The following FOXJ3 variants were observed in gnomAD, a reference collection of about 807,000 sequenced individuals.
FOXJ3 encodes forkhead box protein J3.
In FOXJ3, 22 loss-of-function variants were observed where a neutral mutation model predicts 76.1. The observed-to-expected ratio is 0.29, with a 90% CI of 0.21 to 0.41. The LOEUF (loss-of-function observed/expected upper bound fraction) is 0.41. Ranked by LOEUF, FOXJ3 falls within the 10% of genes least tolerant of loss-of-function variation. The pLI, the probability that FOXJ3 is intolerant of heterozygous loss-of-function variation, is 1.00. For synonymous variants in FOXJ3, 269 were observed against 261.2 expected, an observed-to-expected ratio of 1.03 and a Z score of -0.29; for missense variants, 613 against 762.1, an observed-to-expected ratio of 0.80 and a Z score of 2.30.
intron 5 of FOXJ3, among the ~76,000 whole-genome samples, chr1:42,210,069 T>C (rs1646936157): frequency 6.6e-6 from 1 of 152,204 alleles, no homozygotes; most frequent in African/African-American, 2.4e-5. Flanking sequence ...AGCAAAACAC[T>C]GGGTGTGAGA....
At chr1:42,182,684 G>T (rs1359820373) in intron 11 of FOXJ3, among the ~76,000 whole-genome samples, 3 of 152,126 alleles carry the variant, frequency 2.0e-5, no homozygotes, top group Non-Finnish European at 4.4e-5. Context: ...TTTTAGTAGA[G>T]ATGGGGTTTT....
chr1:42,236,774 C>T (rs1175040157), intron 4 of FOXJ3, among the ~76,000 whole-genome samples: 2 of 152,222 alleles, frequency 1.3e-5, no homozygotes, highest in African/African-American at 2.4e-5. Flanking sequence ...CCACTCTCGA[C>T]AGCAGTGTAT....
At chr1:42,283,630 T>C (rs765784595) in intron 2 of FOXJ3, among the ~76,000 whole-genome samples, 5 of 152,198 alleles carry the variant, frequency 3.3e-5, no homozygotes, top group Non-Finnish European at 5.9e-5. Flanking sequence ...TCCCGGCACA[T>C]GGCATTTCAT....
intron 1 of FOXJ3, chr1:42,315,533 C>A: frequency 3.2e-6 from 1 of 311,350 alleles, no homozygotes; most frequent in Non-Finnish European, 4.7e-6. Context: ...GTTATCTTTC[C>A]AATCTGCTCT....
intron 3 of FOXJ3, among the ~76,000 whole-genome samples, chr1:42,266,530 G>A (rs571228139): frequency 6.6e-6 from 1 of 152,252 alleles, no homozygotes; most frequent in South Asian, 2.1e-4. Context: ...CATCCAAGCA[G>A]TTAAAAAGAA....
At chr1:42,288,494 T>C (rs1357265000) in intron 2 of FOXJ3, among the ~76,000 whole-genome samples, 2 of 152,214 alleles carry the variant, frequency 1.3e-5, no homozygotes, top group African/African-American at 4.8e-5. Flanking sequence ...AAGTATGGCA[T>C]CAATGCTGGC....
chr1:42,221,969 AGAAGGG>A (rs1647196975), intron 5 of FOXJ3, among the ~76,000 whole-genome samples: 1 of 37,268 alleles, frequency 2.7e-5, no homozygotes. Flanking sequence ...AAAAAAAAGA[AGAAGGG>A]GGAGGGGGAG....
At chr1:42,243,436 C>T (rs2124532628) in intron 4 of FOXJ3, among the ~76,000 whole-genome samples, 1 of 152,214 alleles carries the variant, frequency 6.6e-6, no homozygotes, top group Non-Finnish European at 1.5e-5. Context: ...TGAATGTAAA[C>T]AGATTAAATT....
intron 1 of FOXJ3, among the ~76,000 whole-genome samples, chr1:42,327,161 C>T (rs189115397): frequency 2.0e-5 from 3 of 152,294 alleles, no homozygotes; most frequent in African/African-American, 7.2e-5. Context: ...ATATAAAACA[C>T]GACTTCCTCT....
intron 3 of FOXJ3, among the ~76,000 whole-genome samples, chr1:42,266,529 A>G (rs1325430640): frequency 6.6e-6 from 1 of 152,198 alleles, no homozygotes; most frequent in Admixed American, 6.5e-5. Context: ...CCATCCAAGC[A>G]GTTAAAAAGA....
intron 1 of FOXJ3, among the ~76,000 whole-genome samples, chr1:42,322,868 G>A (rs528563171): frequency 6.6e-6 from 1 of 152,262 alleles, no homozygotes; most frequent in East Asian, 1.9e-4. Flanking sequence ...TCCAGAAAAG[G>A]AGGGTAACAG....
chr1:42,318,081 C>G (rs1194923024), intron 1 of FOXJ3, among the ~76,000 whole-genome samples: 2 of 152,162 alleles, frequency 1.3e-5, no homozygotes, highest in Non-Finnish European at 2.9e-5. Context: ...AAAATGAGAT[C>G]TGACAACTCA....
intron 2 of FOXJ3, among the ~76,000 whole-genome samples, chr1:42,308,968 G>C (rs1011726182): frequency 1.4e-5 from 1 of 70,758 alleles, no homozygotes; most frequent in African/African-American, 4.8e-5. Flanking sequence ...TCGGTAGAAA[G>C]TGGACACTAA....
At chr1:42,242,961 T>TTAG (rs397732534) in intron 4 of FOXJ3, among the ~76,000 whole-genome samples, 1 of 151,916 alleles carries the variant, frequency 6.6e-6, no homozygotes, top group Non-Finnish European at 1.5e-5. Flanking sequence ...TAGTCTATTA[T>TTAG]AAGACAACCT....
At chr1:42,291,079 T>TAGACAGACAGACAGACAGACAGACAGAC (rs56772390) in intron 2 of FOXJ3, among the ~76,000 whole-genome samples, 1 of 125,564 alleles carries the variant, frequency 8.0e-6, no homozygotes, top group Non-Finnish European at 1.7e-5. Context: ...GATAGATAGA[T>TAGACAGACAGACAGACAGACAGACAGAC]AGATAGACAG....
chr1:42,202,706 C>G (rs1646786434), intron 6 of FOXJ3, among the ~76,000 whole-genome samples: 1 of 152,052 alleles, frequency 6.6e-6, no homozygotes, highest in African/African-American at 2.4e-5. Context: ...ACAGTATCTT[C>G]ATATTTTTAG....
intron 6 of FOXJ3, among the ~76,000 whole-genome samples, chr1:42,201,220 T>TGGA (rs1646758964): frequency 1.3e-5 from 2 of 152,348 alleles, no homozygotes; most frequent in Non-Finnish European, 2.9e-5. Flanking sequence ...TTCCAAACTT[T>TGGA]ATGCTTTTTA....
intron 4 of FOXJ3, among the ~76,000 whole-genome samples, chr1:42,248,369 C>T (rs553184425): frequency 2.0e-5 from 3 of 152,132 alleles, no homozygotes; most frequent in Non-Finnish European, 2.9e-5. Context: ...CCCATCTCTA[C>T]TAAAAACACA....
intron 4 of FOXJ3, among the ~76,000 whole-genome samples, chr1:42,252,787 C>A (rs1650208542): frequency 6.6e-6 from 1 of 152,130 alleles, no homozygotes; most frequent in African/African-American, 2.4e-5. Flanking sequence ...TCCCTCTACA[C>A]ATTTAGGTAT....
Sources: gnomAD v4.1 joint callset for allele counts (sites outside exome capture counted in the v4.1 genomes callset) on GRCh38, gnomAD v4.1.1 for gene constraint, MANE v1.5 for transcripts, NCBI Gene and HGNC (gene_info 2026-07-23, HGNC 2026-07-21) for gene names.